The following RARS2 variants were observed in gnomAD, a reference collection of about 807,000 sequenced individuals.
RARS2 encodes arginyl-tRNA synthetase 2, mitochondrial.
In RARS2, 67 loss-of-function variants were observed where a neutral mutation model predicts 88.5. The observed-to-expected ratio is 0.76, with a 90% confidence interval of 0.62 to 0.93. The LOEUF is 0.93. Among genes scored for constraint, RARS2 ranks in the 40% least tolerant of loss-of-function variants. RARS2 has a pLI of 0.00. For missense variants in RARS2, 664 were observed against 684.2 expected, an observed-to-expected ratio of 0.97 and a Z score of 0.33; for synonymous variants, 239 against 230.3, an observed-to-expected ratio of 1.04 and a Z score of -0.34.
intron 4 of RARS2, among the ~76,000 whole-genome samples, chr6:87,556,816 T>G (rs1272182817): frequency 2.0e-5 from 3 of 150,470 alleles, no homozygotes; most frequent in Non-Finnish European, 4.4e-5. Flanking sequence ...AAAATTTTTT[T>G]TTTTTCTTTT....
chr6:87,585,284 A>G (rs537748343), intron 1 of RARS2, among the ~76,000 whole-genome samples: 1 of 152,352 alleles, frequency 6.6e-6, no homozygotes, highest in African/African-American at 2.4e-5. Context: ...AAGAGTGAAT[A>G]AGACATGTTC....
At chr6:87,559,732 A>G (rs66663658) in intron 4 of RARS2, among the ~76,000 whole-genome samples, 17,203 of 152,182 alleles carry the variant, frequency 0.11, 1,043 homozygotes, top group East Asian at 0.15. Context: ...TTATAAACCC[A>G]TTGTAACCTA....
chr6:87,583,835 A>G (rs182092329), intron 1 of RARS2, among the ~76,000 whole-genome samples: 300 of 152,322 alleles, frequency 2.0e-3, no homozygotes, highest in African/African-American at 7.0e-3. Flanking sequence ...CATGTTCCTG[A>G]ATCTCAGTGT....
chr6:87,533,310 C>T (rs890213580), intron 8 of RARS2, among the ~76,000 whole-genome samples: 4 of 151,936 alleles, frequency 2.6e-5, no homozygotes, highest in East Asian at 3.9e-4. Context: ...TTAGTATTTC[C>T]GCAATATGTA....
chr6:87,543,206 G>C (rs896251486), intron 7 of RARS2, among the ~76,000 whole-genome samples: 3 of 152,148 alleles, frequency 2.0e-5, no homozygotes, highest in African/African-American at 7.2e-5. Flanking sequence ...GGGAAAGTGA[G>C]ACAGGAGAAT....
intron 2 of RARS2, among the ~76,000 whole-genome samples, chr6:87,569,194 C>T (rs1416407968): frequency 6.6e-6 from 1 of 152,138 alleles, no homozygotes; most frequent in African/African-American, 2.4e-5. Context: ...ATTCTAACCA[C>T]AATTTTAGTT....
At chr6:87,547,829 G>A (rs1190901275) in intron 6 of RARS2, among the ~76,000 whole-genome samples, 1 of 151,716 alleles carries the variant, frequency 6.6e-6, no homozygotes, top group East Asian at 1.9e-4. Context: ...TAGTAAAGAT[G>A]GGGTTTCACC....
Position 87,575,225 on chromosome 6 carries a change from GCACACACACACACA to G in RARS2, c.37-5649_37-5636del, listed in dbSNP as rs58168335. On this transcript the variant is annotated intron_variant, in intron 1 of 19. Coordinates refer to ENST00000369536, the MANE Select transcript of RARS2 (RefSeq NM_020320.5). ...AGAGATGAACCCTAAAAAATAGAAA[GCACACACACACACA>G]CACACACACACACACACACACACAC... Among the ~76,000 whole-genome samples, 723 of 114,636 alleles carry G rather than the reference GCACACACACACACA, an allele frequency of 6.3e-3. 4 individuals are homozygous for G. Among genetic ancestry groups the G allele is most frequent in the East Asian group, 0.023 (85 of 3,654 alleles). 75.2% of individuals were successfully genotyped at this position (114,636 alleles called of 152,430 possible).
At chr6:87,572,232 A>C (rs1361819203) in intron 1 of RARS2, among the ~76,000 whole-genome samples, 1 of 152,200 alleles carries the variant, frequency 6.6e-6, no homozygotes, top group Admixed American at 6.5e-5. Context: ...TCTGTTAAAT[A>C]ATAAACTAGG....
intron 19 of RARS2, among the ~76,000 whole-genome samples, chr6:87,514,736 G>A (rs1770957090): frequency 6.6e-6 from 1 of 152,166 alleles, no homozygotes; most frequent in African/African-American, 2.4e-5. Context: ...TCAGATAAGG[G>A]GAACTTATCA....
chr6:87,551,934 G>A (rs1417136633), intron 5 of RARS2, among the ~76,000 whole-genome samples: 1 of 152,160 alleles, frequency 6.6e-6, no homozygotes. Flanking sequence ...AGAGAGATTA[G>A]AGAGGAAACA....
At position 87,518,758 on chromosome 6, in the gene RARS2, T is replaced by C; in HGVS notation, c.1306-19A>G. ...TGAAGTCCTAAAACGACAGAGGAAA[T>C]CTTCACTGCTGGGATTTGCTCTAGT... is the stretch of plus-strand genomic sequence containing the variant. On this transcript the variant is annotated intron_variant, in intron 15 of 19. Coordinates refer to ENST00000369536, the MANE Select transcript of RARS2 (RefSeq NM_020320.5). 6.2e-7 allele frequency: 1 copy of C among 1,612,572 alleles called. No homozygotes were observed. Among genetic ancestry groups the C allele is most frequent in the Non-Finnish European group, 8.5e-7 (1 of 1,178,572 alleles).
intron 11 of RARS2, among the ~76,000 whole-genome samples, chr6:87,522,820 G>A (rs981260265): frequency 8.6e-5 from 13 of 152,038 alleles, no homozygotes; most frequent in African/African-American, 2.7e-4. Flanking sequence ...ATATTGTCCC[G>A]GCTGCTTTCA....
chr6:87,580,986 T>C (rs1389159565), intron 1 of RARS2, among the ~76,000 whole-genome samples: 1 of 152,184 alleles, frequency 6.6e-6, no homozygotes, highest in Non-Finnish European at 1.5e-5. Context: ...ATAGAATCTT[T>C]GGCTCCAGAG....
At chr6:87,519,304 CAT>C (rs1773023342) in intron 14 of RARS2, 4 of 383,142 alleles carry the variant, frequency 1.0e-5, no homozygotes, top group Non-Finnish European at 2.0e-5. Flanking sequence ...CAAATTATAA[CAT>C]AGAAACTTCA....
intron 1 of RARS2, among the ~76,000 whole-genome samples, chr6:87,586,400 T>C (rs1775169413): frequency 6.6e-6 from 1 of 152,170 alleles, no homozygotes; most frequent in Non-Finnish European, 1.5e-5. Flanking sequence ...TCTCACTCTA[T>C]TTACTTGGCA....
intron 8 of RARS2, among the ~76,000 whole-genome samples, chr6:87,540,758 A>T (rs545546754): frequency 5.3e-5 from 8 of 152,328 alleles, no homozygotes; most frequent in African/African-American, 1.7e-4. Context: ...TTTGGACAGG[A>T]AGGGCTTTAT....
intron 5 of RARS2, among the ~76,000 whole-genome samples, chr6:87,548,981 A>C (rs1027962887): frequency 1.3e-5 from 2 of 152,182 alleles, no homozygotes; most frequent in Admixed American, 1.3e-4. Flanking sequence ...TGGGAGACTG[A>C]GATGGGAAGA....
chr6:87,532,314 C>T (rs1158832740), intron 8 of RARS2, among the ~76,000 whole-genome samples: 1 of 152,106 alleles, frequency 6.6e-6, no homozygotes, highest in Non-Finnish European at 1.5e-5. Context: ...CATCTATTAA[C>T]TTAGATTTTT....
Sources: gnomAD v4.1 joint callset for allele counts (sites outside exome capture counted in the v4.1 genomes callset) on GRCh38, gnomAD v4.1.1 for gene constraint, MANE v1.5 for transcripts, NCBI Gene and HGNC (gene_info 2026-07-23, HGNC 2026-07-21) for gene names.